ANO9: variants seen among roughly 807,000 people sequenced by gnomAD.
ANO9 encodes the protein anoctamin 9.
A neutral mutation model predicts 100.5 loss-of-function variants in ANO9; 80 were observed. That is an observed-to-expected ratio of 0.80 (90% CI 0.66 to 0.96). ANO9 has a LOEUF of 0.96. Among genes scored for constraint, ANO9 ranks in the 40% least tolerant of loss-of-function variants. The probability of loss-of-function intolerance (pLI) is 0.00; values close to 1 mark genes in which losing one functional copy is unlikely to be tolerated. For missense variants in ANO9, 1,064 were observed against 1,072.7 expected, an observed-to-expected ratio of 0.99 and a Z score of 0.11; for synonymous variants, 473 against 435.6, an observed-to-expected ratio of 1.09 and a Z score of -1.07.
intron 1 of ANO9, among the ~76,000 whole-genome samples, chr11:439,261 G>A (rs1845645562): frequency 6.6e-6 from 1 of 152,250 alleles, no homozygotes; most frequent in Non-Finnish European, 1.5e-5. Flanking sequence ...GTGGGCATAG[G>A]CCAGCGTCCA....
chr11:430,238 C>G, intron 8 of ANO9, 31 bp downstream of exon 8: 1 of 1,552,352 alleles, frequency 6.4e-7, no homozygotes, highest in Non-Finnish European at 8.7e-7. Flanking sequence ...CCCACCCCGG[C>G]CCCCCATGCC....
At position 428,606 on chromosome 11, in the gene ANO9, C is replaced by A. The variant is rs1051915996; in HGVS notation, c.1054G>T (p.Val352Leu). The change falls in exon 13 of 23, where the codon GTG becomes TTG. Residue 352 changes from valine (V) to leucine (L), a missense_variant. Transcript: ENST00000332826. ...GCGGAGGCCAGGACGCGGTAGACCA[C>A]CAGGACGTGGGCCATGCCGATCATG... ...CLMIGMAHVL[V>L]VYRVLASALF... 6.2e-7 allele frequency: 1 copy of A among 1,612,386 alleles called. No individual in the cohort carries two copies. The highest frequency in any genetic ancestry group is 1.3e-5 in the African/African-American group (1 of 75,052).
chr11:428,642 G>T lies in ANO9; in HGVS notation c.1021-3C>A. The T allele has an allele frequency of 6.2e-7, 1 of 1,611,958 alleles. No homozygotes were observed. The highest frequency in any genetic ancestry group is 1.3e-5 in the African/African-American group (1 of 75,060). ...GCCATGCCGATCATGAGGCAGATCTGCGGGACAGCTGTGGTGGGCGGGGGC... is the reference window on the plus strand; with the variant it reads ...GCCATGCCGATCATGAGGCAGATCTTCGGGACAGCTGTGGTGGGCGGGGGC... On this transcript the variant is annotated splice_region_variant and splice_polypyrimidine_tract_variant and intron_variant, in intron 12 of 22. Coordinates refer to ENST00000332826, the MANE Select transcript of ANO9 (RefSeq NM_001012302.3).
intron 19 of ANO9, chr11:420,198 C>G: frequency 7.1e-7 from 1 of 1,398,730 alleles, no homozygotes; most frequent in Non-Finnish European, 9.3e-7. Context: ...ACTGGCAGAA[C>G]CTGGGTCCCC....
chr11:425,424 G>C (rs1411850851), intron 15 of ANO9, among the ~76,000 whole-genome samples: 1 of 151,740 alleles, frequency 6.6e-6, no homozygotes, highest in African/African-American at 2.4e-5. Flanking sequence ...CCAGGAGATG[G>C]ATTGGAAGGC....
In ANO9 at chr11:419,601, C is replaced by T; in HGVS notation, c.1915G>A (p.Glu639Lys). ...CCTTACTCGACAGTAGAGTTGCCTT[C>T]TTTCAGGCATGGGCTATAGCGGTAC... ...YKYRYSPCLKEGNSTVDCLKG... is the reference protein window; with the variant it reads ...YKYRYSPCLKKGNSTVDCLKG... Residue 639 changes from glutamate (E) to lysine (K), a missense_variant, in exon 20 of 23, where the codon GAA (glutamate) becomes AAA (lysine). Coordinates refer to ENST00000332826, the MANE Select transcript of ANO9 (RefSeq NM_001012302.3). 6.2e-7 allele frequency: 1 copy of T among 1,613,452 alleles called. No individual in the cohort carries two copies. Among genetic ancestry groups the T allele is most frequent in the Middle Eastern group, 1.7e-4 (1 of 6,060 alleles).
At chr11:435,503 A>AGTCTAGTCTAGTCTAGTCTAGTATG (rs1849410966) in intron 1 of ANO9, among the ~76,000 whole-genome samples, 1 of 81,700 alleles carries the variant, frequency 1.2e-5, no homozygotes, top group Non-Finnish European at 2.5e-5. Context: ...AGTCTAGTAT[A>AGTCTAGTCTAGTCTAGTCTAGTATG]GTCTAGTCTA....
intron 19 of ANO9, chr11:420,060 G>A: frequency 7.6e-7 from 1 of 1,316,616 alleles, no homozygotes. Flanking sequence ...GAGACTGGGG[G>A]CCTCCCTAAC....
chr11:423,272 T>C (rs527766495), intron 15 of ANO9, among the ~76,000 whole-genome samples: 4 of 152,152 alleles, frequency 2.6e-5, no homozygotes, highest in African/African-American at 4.8e-5. Context: ...CATAAAGCAA[T>C]AATACCCAGC....
chr11:435,256 A>G (rs1033624071), intron 1 of ANO9, among the ~76,000 whole-genome samples: 1 of 110,972 alleles, frequency 9.0e-6, no homozygotes, highest in African/African-American at 4.0e-5. Flanking sequence ...ATAGTCTAGT[A>G]TGGTATAGTC....
At chr11:427,347 C>A (rs915624428) in intron 15 of ANO9, among the ~76,000 whole-genome samples, 1 of 151,854 alleles carries the variant, frequency 6.6e-6, no homozygotes, top group East Asian at 1.9e-4. Context: ...GAGACTCCAT[C>A]TCAAAAAAAA....
intron 1 of ANO9, among the ~76,000 whole-genome samples, chr11:437,026 G>C (rs938342475): frequency 7.9e-6 from 1 of 126,958 alleles, no homozygotes. Context: ...GGAGATGAGC[G>C]GGGGGTGAGC....
At chr11:423,443 AAAAC>A (rs775596196) in intron 15 of ANO9, among the ~76,000 whole-genome samples, 18 of 152,200 alleles carry the variant, frequency 1.2e-4, no homozygotes, top group Admixed American at 4.6e-4. Flanking sequence ...TGCCATTTGG[AAAAC>A]AAACAAACAG....
At position 419,574 on chromosome 11, in the gene ANO9, G is replaced by A. The variant is rs747838614; in HGVS notation, c.1934+8C>T. Reference sequence around the variant, plus strand: ...TCCCAGGGGTCTCCAGACACCCTGAGGCCTTACTCGACAGTAGAGTTGCCT... The same window carrying A: ...TCCCAGGGGTCTCCAGACACCCTGAAGCCTTACTCGACAGTAGAGTTGCCT... On this transcript the variant is annotated splice_region_variant and intron_variant, in intron 20 of 22. Coordinates refer to ENST00000332826, the MANE Select transcript of ANO9 (RefSeq NM_001012302.3). The A allele has an allele frequency of 6.2e-7, 1 of 1,612,994 alleles. No homozygotes were observed. Among genetic ancestry groups the A allele is most frequent in the Non-Finnish European group, 8.5e-7 (1 of 1,179,644 alleles).
Position 430,146 on chromosome 11 carries a change from C to A in ANO9, c.708G>T (p.Met236Ile). ...KEICEAHDILMCPLGDHSRRY... is the reference protein window; with the variant it reads ...KEICEAHDILICPLGDHSRRY... ...TGCGGCTGTGGTCGCCGAGGGGACA[C>A]ATGAGGATGTCGTGGGCCTCACAGA... Residue 236 changes from methionine to isoleucine, a missense_variant, in exon 9 of 23, where the codon ATG becomes ATT. Physicochemically the swap from Met to Ile is conservative, Grantham distance 10 (BLOSUM62 1). Coordinates refer to ENST00000332826, the MANE Select transcript of ANO9 (RefSeq NM_001012302.3). 1 of 1,553,832 alleles carries A rather than the reference C, an allele frequency of 6.4e-7. No individual in the cohort carries two copies.
At chr11:428,678 A>G (rs753511125) in intron 12 of ANO9, 39 bp from the exon 13 acceptor site, 2 of 1,612,152 alleles carry the variant, frequency 1.2e-6, no homozygotes, top group Non-Finnish European at 1.7e-6. Context: ...CGGGGAGGGC[A>G]TGCAGCCCGG....
rs1847967322 is a variant in ANO9 at position 418,400 on chromosome 11, T to C, written c.2320A>G (p.Ile774Val). 1.9e-6 allele frequency: 3 copies of C among 1,612,034 alleles called. No individual in the cohort carries two copies. The highest frequency in any genetic ancestry group is 2.7e-5 in the African/African-American group (2 of 75,010). Residue 774 changes from isoleucine to valine, a missense_variant, in exon 23 of 23, where the codon ATC becomes GTC. Physicochemically the swap from Ile to Val is conservative, Grantham distance 29. Coordinates refer to ENST00000332826, the MANE Select transcript of ANO9 (RefSeq NM_001012302.3). The stretch of plus-strand genomic sequence containing the variant: ...ACGTCTGTGCTCCTGGCACTGAAGA[T>C]GGATGCTGGGGTGGGATGGGCAGGC... The part of the protein sequence containing the change: ...PMPAHPTPAS[I>V]FSARSTDV
rs750400101 is a variant in ANO9 at position 429,588 on chromosome 11, G to A, written c.897C>T (p.Tyr299=). 2.9e-5 allele frequency: 46 copies of A among 1,612,576 alleles called. No homozygotes were observed. The highest frequency in any genetic ancestry group is 8.9e-5 in the East Asian group (4 of 44,868). Residue 299 remains tyrosine (Y), a synonymous_variant, in exon 11 of 23, where the codon TAC becomes TAT. Coordinates refer to ENST00000332826, the MANE Select transcript of ANO9 (RefSeq NM_001012302.3). Reference sequence around the variant, plus strand: ...ACCTCACCTGTTCCTCGTCCCACACGTACAGGTCCCAGTGCAGGACCACGC... The same window carrying A: ...ACCTCACCTGTTCCTCGTCCCACACATACAGGTCCCAGTGCAGGACCACGC... ...RARVVLHWDL[Y]VWDEEQEEMA...
At chr11:439,264 A>G (rs1845646434) in intron 1 of ANO9, among the ~76,000 whole-genome samples, 1 of 152,230 alleles carries the variant, frequency 6.6e-6, no homozygotes, top group Admixed American at 6.5e-5. Flanking sequence ...GGCATAGGCC[A>G]GCGTCCAGTG....
Sources: allele counts gnomAD v4.1 joint callset (sites outside exome capture counted in the v4.1 genomes callset), GRCh38; gene constraint gnomAD v4.1.1; transcripts MANE v1.5; gene names NCBI Gene and HGNC (gene_info 2026-07-23, HGNC 2026-07-21).